Variants in STXBP6 observed in about 807,000 individuals in gnomAD.
STXBP6 encodes syntaxin-binding protein 6.
STXBP6 carries 21 observed loss-of-function variants against 26.9 expected under a neutral mutation model. The ratio of observed to expected loss-of-function variants is 0.78; its 90% CI spans 0.55 to 1.12. The LOEUF (loss-of-function observed/expected upper bound fraction) is 1.12. Among genes scored for constraint, STXBP6 ranks in the 50% most tolerant of loss-of-function variants. The pLI, the probability that STXBP6 is intolerant of heterozygous loss-of-function variation, is 0.00. For missense variants in STXBP6, 232 were observed against 257.9 expected (o/e 0.90, Z 0.69); for synonymous variants, 97 against 92.6 (o/e 1.05, Z -0.27).
Position 25,049,354 on chromosome 14 carries a change from G to T in STXBP6, c.-33+524C>A, listed in dbSNP as rs944937994. The T allele has an allele frequency of 3.0e-6, 3 of 985,286 alleles. No individual in the cohort carries two copies. The Admixed American group carries it at 1.8e-4, about 61-fold the overall frequency. 61.0% of individuals were successfully genotyped at this position (985,286 alleles called of 1,614,324 possible). A position where few individuals can be genotyped will look rare whatever the true frequency, so the allele number is the denominator to read the frequency against. On this transcript the variant is annotated intron_variant, in intron 1 of 5. Coordinates refer to ENST00000323944, the MANE Select transcript of STXBP6 (RefSeq NM_001394410.1). The surrounding 1 kb of genome is among the most constrained non-coding windows in gnomAD (Gnocchi z 5.6). ...GCCAGCGCCCTGGGGGCAGGGTGCC[G>T]TGCCCGCCAGAAAAGCTCGCCTCAG... is the stretch of plus-strand genomic sequence containing the variant.
intron 1 of STXBP6, among the ~76,000 whole-genome samples, chr14:25,015,644 C>CA: frequency 6.6e-6 from 1 of 152,036 alleles, no homozygotes; most frequent in South Asian, 2.1e-4. Flanking sequence ...ATATGTGCAC[C>CA]AATGACTATT....
chr14:24,951,219 T>C (rs1227833106), intron 2 of STXBP6, among the ~76,000 whole-genome samples: 1 of 152,222 alleles, frequency 6.6e-6, no homozygotes, highest in Non-Finnish European at 1.5e-5. Flanking sequence ...TGTGTCTTTA[T>C]AGTAGAATTA....
chr14:24,913,136 G>A (rs1465698823), intron 2 of STXBP6, among the ~76,000 whole-genome samples: 1 of 152,110 alleles, frequency 6.6e-6, no homozygotes, highest in African/African-American at 2.4e-5. Context: ...ATGCTGAAAA[G>A]GAAACCTCCA....
Position 24,966,689 on chromosome 14 carries a change from ACT to A in STXBP6, c.154+7974_154+7975del, listed in dbSNP as rs2073744317. Among the ~76,000 whole-genome samples the A allele has an allele frequency of 1.1e-4, 16 of 152,274 alleles. No homozygotes were observed. In the South Asian group the frequency reaches 3.3e-3, roughly 32 times the overall value. ...GAAGAGATCTAGAACCACCAAGGAA[ACT>A]CTAAAAAAATTTCAGGCATCTATTT... On this transcript the variant is annotated intron_variant, in intron 2 of 5. Transcript: ENST00000323944.
chr14:24,937,683 A>G (rs1479070820), intron 2 of STXBP6, among the ~76,000 whole-genome samples: 2 of 152,216 alleles, frequency 1.3e-5, no homozygotes, highest in African/African-American at 4.8e-5. Flanking sequence ...ACCATAGCTG[A>G]TATATGTTTT....
intron 2 of STXBP6, among the ~76,000 whole-genome samples, chr14:24,877,240 A>G (rs984342235): frequency 1.3e-5 from 2 of 152,202 alleles, no homozygotes; most frequent in Non-Finnish European, 1.5e-5. Flanking sequence ...TCTGTACTCA[A>G]AGACCTCAAA....
At chr14:24,862,881 C>G (rs2069589863) in intron 2 of STXBP6, among the ~76,000 whole-genome samples, 1 of 152,144 alleles carries the variant, frequency 6.6e-6, no homozygotes, top group Non-Finnish European at 1.5e-5. Context: ...CTGCCCTACA[C>G]CAACTTTGCA....
In STXBP6 at chr14:24,964,498, T is replaced by C. The variant is rs556764365; in HGVS notation, c.154+10167A>G. 4.6e-5 allele frequency among the ~76,000 whole-genome samples: 7 copies of C among 152,338 alleles called. No individual in the cohort carries two copies. The East Asian group carries it at 1.4e-3, about 29-fold the overall frequency. On this transcript the variant is annotated intron_variant, in intron 2 of 5. Coordinates refer to ENST00000323944, the MANE Select transcript of STXBP6 (RefSeq NM_001394410.1). ...ATTCTCTCTCCCTCCCTGTCTCTTC[T>C]TCATGGAAGCTGAGTACCTTCTATG...
chr14:25,039,852 G>A (rs1037282969), intron 1 of STXBP6, among the ~76,000 whole-genome samples: 5 of 152,074 alleles, frequency 3.3e-5, no homozygotes, highest in East Asian at 1.9e-4. Context: ...GATTACAGGC[G>A]CCTGCCACCA....
rs763945266 is a variant in STXBP6, at chr14:24,974,788, T to A, written c.31A>T (p.Ile11Phe). The A allele has an allele frequency of 2.5e-6, 4 of 1,609,074 alleles. No homozygotes were observed. The East Asian group carries it at 6.7e-5, about 27-fold the overall frequency. Reference protein sequence around the residue: MSAKSAISKEIFAPLDERMLG... With the variant: MSAKSAISKEFFAPLDERMLG... ...ATCCTTTCATCAAGAGGTGCAAAAA[T>A]TTCCTTGCTGATAGCAGATTTGGCA... The change falls in exon 2 of 6, where the codon ATT becomes TTT. Residue 11 changes from isoleucine to phenylalanine, a missense_variant. Ile to Phe is a conservative substitution (Grantham distance 21). Coordinates refer to ENST00000323944, the MANE Select transcript of STXBP6 (RefSeq NM_001394410.1).
chr14:24,821,124 G>A (rs1001904758), intron 4 of STXBP6, among the ~76,000 whole-genome samples: 3 of 152,352 alleles, frequency 2.0e-5, no homozygotes, highest in African/African-American at 7.2e-5. Context: ...GGAGTTGGGA[G>A]AGGGCACAAG....
chr14:24,987,258 A>G (rs1024714071), intron 1 of STXBP6, among the ~76,000 whole-genome samples: 1 of 131,380 alleles, frequency 7.6e-6, no homozygotes, highest in Admixed American at 7.1e-5. Context: ...CAGATGTTGG[A>G]TGGTGACAAG....
rs2067845177 is a variant in STXBP6, at chr14:24,812,275, G to A, written c.*434C>T. The A allele has an allele frequency of 6.3e-6, 1 of 158,802 alleles. No homozygotes were observed. Among genetic ancestry groups the A allele is most frequent in the South Asian group, 1.8e-4 (1 of 5,428 alleles). 9.8% of individuals were successfully genotyped at this position (158,802 alleles called of 1,614,324 possible). A position where few individuals can be genotyped will look rare whatever the true frequency, so the allele number is the denominator to read the frequency against. ...ACTGCTTGACTTTTATTTTCATCTA[G>A]GAAAAATAACATCTGATGTCACCAC... On this transcript the variant is annotated 3_prime_UTR_variant, in exon 6 of 6. Transcript: ENST00000323944.
intron 2 of STXBP6, among the ~76,000 whole-genome samples, chr14:24,865,156 A>T (rs1346986521): frequency 1.3e-5 from 2 of 152,168 alleles, no homozygotes; most frequent in African/African-American, 2.4e-5. Context: ...TCCTGTGGCT[A>T]CATCCAATCC....
intron 2 of STXBP6, among the ~76,000 whole-genome samples, chr14:24,881,330 T>G (rs1029237477): frequency 1.3e-5 from 2 of 152,224 alleles, no homozygotes; most frequent in African/African-American, 4.8e-5. Flanking sequence ...TAGTTTACAT[T>G]GGAATACTCT....
intron 2 of STXBP6, among the ~76,000 whole-genome samples, chr14:24,907,580 CT>C (rs1018192693): frequency 2.0e-5 from 3 of 152,046 alleles, no homozygotes; most frequent in Non-Finnish European, 4.4e-5. Context: ...CTTTTCCATA[CT>C]TTTTAATTTA....
chr14:24,857,078 T>G lies in STXBP6; in HGVS notation c.234A>C (p.Ser78=). 6.2e-7 allele frequency: 1 copy of G among 1,613,100 alleles called. No homozygotes were observed. Among genetic ancestry groups the G allele is most frequent in the Non-Finnish European group, 8.5e-7 (1 of 1,179,272 alleles). Residue 78 remains serine, a synonymous_variant, in exon 3 of 6, where the codon TCA becomes TCC. Coordinates refer to ENST00000323944, the MANE Select transcript of STXBP6 (RefSeq NM_001394410.1). The part of the protein sequence containing the change: ...FEGSTSFVRR[S]QWMLEQLRQV... ...GGCGAAGCTGCTCGAGCATCCACTG[T>G]GATCTCCGAACAAATGATGTGGAGC...
At chr14:24,896,961 A>AGT (rs2071013037) in intron 2 of STXBP6, among the ~76,000 whole-genome samples, 1 of 152,168 alleles carries the variant, frequency 6.6e-6, no homozygotes, top group Non-Finnish European at 1.5e-5. Context: ...CCACTGGGTG[A>AGT]GACATAAGAC....
intron 2 of STXBP6, among the ~76,000 whole-genome samples, chr14:24,895,125 G>A (rs1468690085): frequency 1.3e-5 from 2 of 152,144 alleles, no homozygotes; most frequent in Non-Finnish European, 2.9e-5. Context: ...CCCAAGAACT[G>A]TTTTTCTCAC....
Sources: allele counts gnomAD v4.1 joint callset (sites outside exome capture counted in the v4.1 genomes callset), GRCh38; gene constraint gnomAD v4.1.1; non-coding constraint Gnocchi (gnomAD v3.1); transcripts MANE v1.5; gene names NCBI Gene and HGNC (gene_info 2026-07-23, HGNC 2026-07-21).